The following PID1 variants were observed in gnomAD, a reference collection of about 807,000 sequenced individuals.
PID1 encodes phosphotyrosine interaction domain containing 1.
In PID1, 10 loss-of-function variants were observed where a neutral mutation model predicts 19.1. The ratio of observed to expected loss-of-function variants is 0.52; its 90% CI spans 0.32 to 0.89. The LOEUF is 0.89. Among genes scored for constraint, PID1 ranks in the 40% least tolerant of loss-of-function variants. PID1 has a pLI of 0.03. For synonymous variants in PID1, 130 were observed against 116.0 expected, an observed-to-expected ratio of 1.12 and a Z score of -0.78; for missense variants, 248 against 285.3, an observed-to-expected ratio of 0.87 and a Z score of 0.94.
Position 229,095,411 on chromosome 2 carries a change from G to A in PID1, c.177+60407C>T, listed in dbSNP as rs573791217. ...GGAAAATTGCCCATTTTGCATTTTC[G>A]GACAAAGGCTACAGGGCCTCATTTT... On this transcript the variant is annotated intron_variant, in intron 2 of 2. Coordinates refer to ENST00000392055, the MANE Select transcript of PID1 (RefSeq NM_001100818.2). Among the ~76,000 whole-genome samples, 25 of 151,978 alleles carry A rather than the reference G, an allele frequency of 1.6e-4. 1 individual carries two copies. The highest frequency in any genetic ancestry group is 5.3e-4 in the African/African-American group (22 of 41,360).
chr2:229,219,218 A>G (rs1691912383), intron 1 of PID1, among the ~76,000 whole-genome samples: 1 of 152,108 alleles, frequency 6.6e-6, no homozygotes, highest in Non-Finnish European at 1.5e-5. Flanking sequence ...ATAAAGATAC[A>G]CCCGAGACGC....
intron 1 of PID1, among the ~76,000 whole-genome samples, chr2:229,200,616 G>A (rs957454747): frequency 2.0e-5 from 3 of 151,966 alleles, no homozygotes; most frequent in Non-Finnish European, 2.9e-5. Context: ...CTCCCACTAC[G>A]CTACCTGTCT....
chr2:229,199,989 T>A (rs1010635479), intron 1 of PID1, among the ~76,000 whole-genome samples: 2 of 151,950 alleles, frequency 1.3e-5, no homozygotes, highest in African/African-American at 4.8e-5. Context: ...GTATTTCACA[T>A]CAAGACTTTC....
intron 2 of PID1, among the ~76,000 whole-genome samples, chr2:229,071,425 T>A (rs1405210337): frequency 6.6e-6 from 1 of 152,212 alleles, no homozygotes; most frequent in Non-Finnish European, 1.5e-5. Flanking sequence ...GAGCACATGC[T>A]AAGCGCCAAG....
chr2:229,060,023 T>C (rs1217236051), intron 2 of PID1, among the ~76,000 whole-genome samples: 1 of 152,166 alleles, frequency 6.6e-6, no homozygotes, highest in Non-Finnish European at 1.5e-5. Flanking sequence ...TAATTGCATA[T>C]ATTTATGGGG....
At chr2:229,150,102 C>T (rs1049925242) in intron 2 of PID1, among the ~76,000 whole-genome samples, 3 of 151,594 alleles carry the variant, frequency 2.0e-5, no homozygotes, top group East Asian at 1.9e-4. Context: ...GGCCTGGTGG[C>T]GGATGCCTGC....
chr2:229,245,398 T>A (rs1322397735), intron 1 of PID1, among the ~76,000 whole-genome samples: 1 of 152,154 alleles, frequency 6.6e-6, no homozygotes, highest in African/African-American at 2.4e-5. Context: ...AAAGGCAACT[T>A]GTATTGCCTT....
At chr2:229,231,839 C>T in intron 1 of PID1, 1 of 1,536,480 alleles carries the variant, frequency 6.5e-7, no homozygotes, top group African/African-American at 1.4e-5. Context: ...CTTCTTTTAC[C>T]TCCTTGTCTT....
chr2:229,129,365 G>T (rs1362913477), intron 2 of PID1, among the ~76,000 whole-genome samples: 2 of 147,566 alleles, frequency 1.4e-5, no homozygotes, highest in African/African-American at 5.0e-5. Context: ...AGTGAGCCGA[G>T]ATTGCGCCAC....
intron 1 of PID1, among the ~76,000 whole-genome samples, chr2:229,195,288 C>A (rs912443185): frequency 1.3e-5 from 2 of 151,654 alleles, no homozygotes; most frequent in Admixed American, 6.6e-5. Flanking sequence ...ATTTTTTATT[C>A]TTCATATACA....
intron 1 of PID1, among the ~76,000 whole-genome samples, chr2:229,258,674 C>T (rs1574764587): frequency 6.6e-6 from 1 of 152,134 alleles, no homozygotes; most frequent in East Asian, 1.9e-4. Context: ...CTGGCTAACA[C>T]GGTGAAACCC....
intron 2 of PID1, among the ~76,000 whole-genome samples, chr2:229,109,232 T>G (rs1420084685): frequency 6.6e-6 from 1 of 152,218 alleles, no homozygotes; most frequent in Non-Finnish European, 1.5e-5. Flanking sequence ...TCTTTGAATC[T>G]TCTTCAATAT....
intron 2 of PID1, among the ~76,000 whole-genome samples, chr2:229,093,149 T>G (rs954118519): frequency 7.0e-6 from 1 of 142,746 alleles, no homozygotes; most frequent in Non-Finnish European, 1.5e-5. Flanking sequence ...TTTTTTTTTT[T>G]TGAGATGGAG....
intron 1 of PID1, among the ~76,000 whole-genome samples, chr2:229,249,387 C>T (rs1690087769): frequency 6.6e-6 from 1 of 152,176 alleles, no homozygotes; most frequent in African/African-American, 2.4e-5. Flanking sequence ...CACTCTATCT[C>T]TTACCTTTCC....
intron 1 of PID1, among the ~76,000 whole-genome samples, chr2:229,229,117 G>A (rs1692147586): frequency 6.6e-6 from 1 of 152,178 alleles, no homozygotes; most frequent in Admixed American, 6.5e-5. Context: ...TATGTGTGCA[G>A]TAAAGACTGT....
At position 229,025,916 on chromosome 2, in the gene PID1, G is replaced by A. The variant is rs757191514; in HGVS notation, c.370C>T (p.His124Tyr). 7 of 1,614,194 alleles carry A rather than the reference G, an allele frequency of 4.3e-6. No individual in the cohort carries two copies. The highest frequency in any genetic ancestry group is 5.1e-6 in the Non-Finnish European group (6 of 1,179,998). ...HLDHKGEATV[H>Y]MDTFQVARIA... ...CGGGCCACCTGGAAGGTATCCATGT[G>A]CACTGTGGCCTCCCCTTTGTGGTCG... Residue 124 changes from histidine to tyrosine, a missense_variant, in exon 3 of 3, where the codon CAC (histidine) becomes TAC (tyrosine). By Grantham distance (83) the His-to-Tyr change is moderately conservative. Coordinates refer to ENST00000392055, the MANE Select transcript of PID1 (RefSeq NM_001100818.2).
At chr2:229,188,652 T>C (rs1691185552) in intron 1 of PID1, among the ~76,000 whole-genome samples, 1 of 149,668 alleles carries the variant, frequency 6.7e-6, no homozygotes, top group Non-Finnish European at 1.5e-5. Context: ...AGCAGGAGAA[T>C]CACTTGAACC....
intron 2 of PID1, among the ~76,000 whole-genome samples, chr2:229,028,905 G>C (rs1574566251): frequency 6.6e-6 from 1 of 152,128 alleles, no homozygotes; most frequent in South Asian, 2.1e-4. Context: ...CTAATAAGTG[G>C]CTATTATCAG....
chr2:229,229,240 C>T (rs1286893135), intron 1 of PID1, among the ~76,000 whole-genome samples: 1 of 152,166 alleles, frequency 6.6e-6, no homozygotes, highest in Non-Finnish European at 1.5e-5. Context: ...AGCAGTACCA[C>T]CTTCTCTCAG....
Sources: allele counts gnomAD v4.1 joint callset (sites outside exome capture counted in the v4.1 genomes callset), GRCh38; gene constraint gnomAD v4.1.1; transcripts MANE v1.5; gene names NCBI Gene and HGNC (gene_info 2026-07-23, HGNC 2026-07-21).